ZFHX3: variants seen among roughly 807,000 people sequenced by gnomAD.
ZFHX3 encodes the protein zinc finger homeobox 3, also known as zinc finger homeobox protein 3.
In ZFHX3, 42 loss-of-function variants were observed where a neutral mutation model predicts 279.1. The ratio of observed to expected loss-of-function variants is 0.15; its 90% CI spans 0.12 to 0.19. The LOEUF (loss-of-function observed/expected upper bound fraction) is 0.19, where lower values mean the gene tolerates loss of function less well. ZFHX3 is among the 10% of genes least tolerant of loss of function. The pLI is 1.00. For missense variants in ZFHX3, 4,981 were observed against 4,754.0 expected (o/e 1.05, Z -1.40); for synonymous variants, 2,293 against 1,957.8 (o/e 1.17, Z -4.52).
At chr16:73,191,042 C>A (rs963961858) in intron 5 of ZFHX3, among the ~76,000 whole-genome samples, 1 of 152,022 alleles carries the variant, frequency 6.6e-6, no homozygotes, top group East Asian at 1.9e-4. Context: ...TGAAAAGGAT[C>A]CTGCTTTCCT....
chr16:73,044,840 C>T lies in ZFHX3; in HGVS notation c.-50+2912G>A, dbSNP rs181492454. On this transcript the variant is annotated intron_variant, in intron 1 of 9. Coordinates refer to ENST00000268489, the MANE Select transcript of ZFHX3 (RefSeq NM_006885.4). Reference sequence around the variant, plus strand: ...TTCTCCATGTTGATCAGGCTGGTCTCGAACTCCCAACCTCAAGTGATCTGC... The same window carrying T: ...TTCTCCATGTTGATCAGGCTGGTCTTGAACTCCCAACCTCAAGTGATCTGC... Among the ~76,000 whole-genome samples the T allele has an allele frequency of 6.4e-4, 97 of 152,224 alleles. No individual in the cohort carries two copies. The Middle Eastern group carries it at 0.01, about 16-fold the overall frequency.
At chr16:73,223,545 C>T (rs890390128) in intron 5 of ZFHX3, among the ~76,000 whole-genome samples, 3 of 152,126 alleles carry the variant, frequency 2.0e-5, no homozygotes, top group African/African-American at 7.2e-5. Flanking sequence ...ATAACGACAA[C>T]CCCATATGAA....
At position 73,760,996 on chromosome 16, in the gene ZFHX3, GAAA is replaced by G. The variant is rs34146928; in HGVS notation, c.-1607-80759_-1607-80757del. Among the ~76,000 whole-genome samples, 110 of 142,122 alleles carry G rather than the reference GAAA, an allele frequency of 7.7e-4. 1 individual carries two copies. Among genetic ancestry groups the G allele is most frequent in the East Asian group, 2.5e-3 (12 of 4,892 alleles). The allele number at this position is 142,122 out of a possible 152,430, so 93.2% of individuals were successfully genotyped here. ...GGCCAGGGCAATCAGGCAAGAAAAA[GAAA>G]AAAAAAAAAAAGGGTATTAAAAGAG... On this transcript the variant is annotated intron_variant, in intron 1 of 17. Transcript: ENST00000641206.
chr16:73,328,236 TG>T (rs1177682414), intron 3 of ZFHX3, among the ~76,000 whole-genome samples: 2 of 152,094 alleles, frequency 1.3e-5, no homozygotes, highest in Non-Finnish European at 1.5e-5. Context: ...AACAGAGAAG[TG>T]GTAGAAACTG....
At chr16:73,021,795 C>A (rs1246065419) in intron 1 of ZFHX3, among the ~76,000 whole-genome samples, 1 of 140,840 alleles carries the variant, frequency 7.1e-6, no homozygotes, top group African/African-American at 2.7e-5. Flanking sequence ...CATGCCACTG[C>A]ACTCCAGCCT....
At chr16:73,856,646 T>C (rs1277296049) in intron 1 of ZFHX3, among the ~76,000 whole-genome samples, 1 of 152,380 alleles carries the variant, frequency 6.6e-6, no homozygotes, top group East Asian at 1.9e-4. Context: ...GAATACTTCA[T>C]TTAACAATTA....
chr16:73,552,479 G>T (rs952328634), intron 2 of ZFHX3, among the ~76,000 whole-genome samples: 1 of 152,144 alleles, frequency 6.6e-6, no homozygotes, highest in Admixed American at 6.5e-5. Context: ...AAAGGTGTAA[G>T]ACATAGAATC....
chr16:73,551,803 C>T (rs1310489288), intron 2 of ZFHX3, among the ~76,000 whole-genome samples: 3 of 152,164 alleles, frequency 2.0e-5, no homozygotes, highest in Non-Finnish European at 4.4e-5. Flanking sequence ...CTTATAGATT[C>T]AGAGACTTCA....
At chr16:73,054,431 A>G (rs1965507858) in intron 1 of ZFHX3, among the ~76,000 whole-genome samples, 1 of 125,078 alleles carries the variant, frequency 8.0e-6, no homozygotes, top group East Asian at 2.7e-4. Flanking sequence ...GTCGGTATGG[A>G]AACCAGGAGG....
At chr16:73,186,252 C>A (rs1967905156) in intron 5 of ZFHX3, among the ~76,000 whole-genome samples, 1 of 152,170 alleles carries the variant, frequency 6.6e-6, no homozygotes, top group Non-Finnish European at 1.5e-5. Context: ...TGCCCCCTCA[C>A]CATCTGTGGA....
At chr16:72,867,469 A>G (rs1460277289) in intron 4 of ZFHX3, among the ~76,000 whole-genome samples, 1 of 152,190 alleles carries the variant, frequency 6.6e-6, no homozygotes, top group Non-Finnish European at 1.5e-5. Context: ...TTCAGAAGAC[A>G]AAACATACCA....
chr16:73,109,740 T>C (rs1966348673), intron 7 of ZFHX3, among the ~76,000 whole-genome samples: 2 of 151,960 alleles, frequency 1.3e-5, no homozygotes, highest in Admixed American at 6.6e-5. Context: ...TCCCAGCTAC[T>C]TGGGAGGCTG....
chr16:73,737,445 G>A (rs1266464917), intron 1 of ZFHX3, among the ~76,000 whole-genome samples: 2 of 152,144 alleles, frequency 1.3e-5, no homozygotes. Flanking sequence ...CATCCTTTGT[G>A]GGATGAAGAC....
chr16:72,850,420 A>G (rs2037587476), intron 4 of ZFHX3, among the ~76,000 whole-genome samples: 1 of 152,262 alleles, frequency 6.6e-6, no homozygotes, highest in South Asian at 2.1e-4. Flanking sequence ...TGCTATTTTC[A>G]TGTGTGTTGA....
intron 5 of ZFHX3, among the ~76,000 whole-genome samples, chr16:73,198,353 T>G (rs1033068359): frequency 1.3e-5 from 2 of 151,916 alleles, no homozygotes; most frequent in Non-Finnish European, 2.9e-5. Context: ...TTTTTTTTTT[T>G]TTTTTGAAGT....
chr16:72,872,477 A>G (rs1597331816), intron 4 of ZFHX3, among the ~76,000 whole-genome samples: 1 of 152,274 alleles, frequency 6.6e-6, no homozygotes, highest in East Asian at 1.9e-4. Context: ...GCTTTTTTTG[A>G]GACAGAGTCT....
intron 3 of ZFHX3, among the ~76,000 whole-genome samples, chr16:72,904,980 C>T (rs913892829): frequency 4.6e-5 from 7 of 152,042 alleles, no homozygotes; most frequent in Admixed American, 1.3e-4. Context: ...TACAGGTGCC[C>T]GCCACCATGC....
chr16:73,628,238 T>C (rs1238907799), intron 2 of ZFHX3, among the ~76,000 whole-genome samples: 7 of 152,204 alleles, frequency 4.6e-5, no homozygotes, highest in Admixed American at 4.6e-4. Context: ...CTTTTAAAAA[T>C]TACTAGGTGA....
intron 1 of ZFHX3, among the ~76,000 whole-genome samples, chr16:72,992,895 G>A (rs1759588085): frequency 6.6e-6 from 1 of 152,252 alleles, no homozygotes; most frequent in African/African-American, 2.4e-5. Flanking sequence ...CTAGCACTCT[G>A]GGAGGCTGAG....
Sources: allele counts gnomAD v4.1 joint callset (sites outside exome capture counted in the v4.1 genomes callset), GRCh38; gene constraint gnomAD v4.1.1; transcripts MANE v1.5; gene names NCBI Gene and HGNC (gene_info 2026-07-23, HGNC 2026-07-21).